Variants in WDR33 observed in about 807,000 individuals in gnomAD.
WDR33 encodes the protein pre-mRNA 3' end processing protein WDR33.
In WDR33, 47 loss-of-function variants were observed where a neutral mutation model predicts 164.9. The observed-to-expected ratio is 0.29, with a 90% CI of 0.23 to 0.36. WDR33 has a LOEUF of 0.36. Among genes scored for constraint, WDR33 ranks in the 10% least tolerant of loss-of-function variants. The probability of loss-of-function intolerance (pLI) is 1.00; values close to 1 mark genes in which losing one functional copy is unlikely to be tolerated. For missense variants in WDR33, 1,137 were observed against 1,754.1 expected (o/e 0.65, Z 6.28); for synonymous variants, 505 against 589.0 (o/e 0.86, Z 2.06).
chr2:127,763,260 A>C lies in WDR33; in HGVS notation c.627-101T>G. On this transcript the variant is annotated intron_variant, in intron 6 of 21. Transcript: ENST00000322313. The surrounding 1 kb of genome is among the most constrained non-coding windows in gnomAD (Gnocchi z 4.5). ...AATAAAAACACTGTGCTGCATTATA[A>C]ACAGGAGAGGGAAGAATCCAGTGAA... 3.8e-6 allele frequency: 6 copies of C among 1,570,196 alleles called. No homozygotes were observed. The highest frequency in any genetic ancestry group is 5.2e-6 in the Non-Finnish European group (6 of 1,156,746).
At chr2:127,807,415 C>T (rs1689479391) in intron 1 of WDR33, among the ~76,000 whole-genome samples, 1 of 152,154 alleles carries the variant, frequency 6.6e-6, no homozygotes, top group Non-Finnish European at 1.5e-5. Flanking sequence ...AGAGCAGGTG[C>T]CTATAACAAC....
At chr2:127,744,963 G>A (rs765623158) in intron 7 of WDR33, among the ~76,000 whole-genome samples, 10 of 151,940 alleles carry the variant, frequency 6.6e-5, no homozygotes, top group South Asian at 2.1e-4. Flanking sequence ...TTTGGTCTTC[G>A]GCTTGATTGG....
rs746560696 is a variant in WDR33 at position 127,738,085 on chromosome 2, T to TA, written c.725-11309dup. On this transcript the variant is annotated intron_variant, in intron 7 of 21. Transcript: ENST00000322313. The surrounding 1 kb of genome is among the most constrained non-coding windows in gnomAD (Gnocchi z 4.4). The stretch of plus-strand genomic sequence containing the variant: ...AAAACAAGAAGGGTGCATGAACTCT[T>TA]AAATACTGTGCAGGCAGGTATCTAT... 1.1e-4 allele frequency: 171 copies of TA among 1,603,596 alleles called. No homozygotes were observed. Among genetic ancestry groups the TA allele is most frequent in the Non-Finnish European group, 1.4e-4 (164 of 1,175,098 alleles).
At position 127,719,218 on chromosome 2, in the gene WDR33, C is replaced by A; in HGVS notation, c.2760+47G>T. ...AATACTCAGCAGTATTACTTCTGTG[C>A]AGAGTGTATTTTCCCAATGTGCCCG... is the stretch of plus-strand genomic sequence containing the variant. On this transcript the variant is annotated intron_variant, in intron 16 of 21. Coordinates refer to ENST00000322313, the MANE Select transcript of WDR33 (RefSeq NM_018383.5). This position sits in a 1 kb window ranked among gnomAD's most constrained non-coding sequence, Gnocchi z 6.5. 1.4e-6 allele frequency: 2 copies of A among 1,386,934 alleles called. No individual in the cohort carries two copies. Among genetic ancestry groups the A allele is most frequent in the South Asian group, 2.1e-5 (1 of 47,038 alleles). 85.9% of individuals were successfully genotyped at this position (1,386,934 alleles called of 1,614,324 possible).
At position 127,702,311 on chromosome 2, in the gene WDR33, A is replaced by C; in HGVS notation, c.*4012T>G. The stretch of plus-strand genomic sequence containing the variant: ...CCTGCCCTAACAGCCTGCGAGTCTA[A>C]TCCGGGAGCGGCTGCTGCCAGCGGA... On this transcript the variant is annotated 3_prime_UTR_variant, in exon 22 of 22. Transcript: ENST00000322313. 3.2e-6 allele frequency: 3 copies of C among 942,462 alleles called. No homozygotes were observed. The highest frequency in any genetic ancestry group is 4.1e-6 in the Non-Finnish European group (3 of 735,972). 58.4% of individuals were successfully genotyped at this position (942,462 alleles called of 1,614,324 possible).
chr2:127,738,415 G>T lies in WDR33; in HGVS notation c.725-11638C>A, dbSNP rs553518323. ...CTAAGAATTCCACATAATTTACACA[G>T]TTACTCCACCTGAAAAGAGGTGAGG... On this transcript the variant is annotated intron_variant, in intron 7 of 21. Coordinates refer to ENST00000322313, the MANE Select transcript of WDR33 (RefSeq NM_018383.5). The surrounding 1 kb of genome is among the most constrained non-coding windows in gnomAD (Gnocchi z 4.4). Among the ~76,000 whole-genome samples, 18 of 152,060 alleles carry T rather than the reference G, an allele frequency of 1.2e-4. No individual in the cohort carries two copies. Among genetic ancestry groups the T allele is most frequent in the Non-Finnish European group, 1.5e-4 (10 of 68,006 alleles).
At chr2:127,788,404 C>T (rs1433277677) in intron 1 of WDR33, among the ~76,000 whole-genome samples, 48 of 120,064 alleles carry the variant, frequency 4.0e-4, no homozygotes, top group African/African-American at 1.6e-3. Context: ...CCGGACGGGG[C>T]GGCTGGCCGG....
rs910706885 is a variant in WDR33 at position 127,716,054 on chromosome 2, T to G, written c.2869+1101A>C. On this transcript the variant is annotated intron_variant, in intron 17 of 21. Transcript: ENST00000322313. This position sits in a 1 kb window ranked among gnomAD's most constrained non-coding sequence, Gnocchi z 4.5. Reference sequence around the variant, plus strand: ...CTCTCAGTTTGCTGATGGCGATAACTCAGGGGGTAAAAGACTCTCCTTTTG... The same window carrying G: ...CTCTCAGTTTGCTGATGGCGATAACGCAGGGGGTAAAAGACTCTCCTTTTG... Among the ~76,000 whole-genome samples, 1 of 152,242 alleles carries G rather than the reference T, an allele frequency of 6.6e-6. No individual in the cohort carries two copies.
In WDR33 at chr2:127,701,787, G is replaced by C. The variant is rs1194118006; in HGVS notation, c.*4536C>G. ...GGCGGGCGGCGGGTGCCTGCTGCTG[G>C]CTGCACTGTGTTTCGGCCTAGCCGC... On this transcript the variant is annotated 3_prime_UTR_variant, in exon 22 of 22. Coordinates refer to ENST00000322313, the MANE Select transcript of WDR33 (RefSeq NM_018383.5). The C allele has an allele frequency of 5.5e-6, 8 of 1,448,878 alleles. No individual in the cohort carries two copies. The African/African-American group carries it at 7.4e-5, about 13-fold the overall frequency. 89.8% of individuals were successfully genotyped at this position (1,448,878 alleles called of 1,614,324 possible). A position where few individuals can be genotyped will look rare whatever the true frequency, so the allele number is the denominator to read the frequency against.
chr2:127,775,187 A>T (rs970095530), intron 1 of WDR33, among the ~76,000 whole-genome samples: 3 of 148,780 alleles, frequency 2.0e-5, no homozygotes, highest in African/African-American at 4.9e-5. Context: ...TTAATCTATT[A>T]AAAAAAAAAA....
In WDR33 at chr2:127,722,585, A is replaced by G; in HGVS notation, c.1518+6T>C. On this transcript the variant is annotated splice_donor_region_variant and intron_variant, in intron 14 of 21. Transcript: ENST00000322313. This position sits in a 1 kb window ranked among gnomAD's most constrained non-coding sequence, Gnocchi z 5.1. ...GCGTGGATGAGGTGGAGTCACTTTT[A>G]CTTACCTGCTGGAACTGAGCAGGAA... 6.2e-7 allele frequency: 1 copy of G among 1,611,848 alleles called. No individual in the cohort carries two copies. Among genetic ancestry groups the G allele is most frequent in the Non-Finnish European group, 8.5e-7 (1 of 1,179,342 alleles).
Position 127,764,052 on chromosome 2 carries a change from G to A in WDR33, c.626+776C>T, listed in dbSNP as rs1687754460. ...CACACATGGGTGGCACAACCTTAAA[G>A]AATGCTGCTTAGCTTTATTCTGAGG... On this transcript the variant is annotated intron_variant, in intron 6 of 21. Coordinates refer to ENST00000322313, the MANE Select transcript of WDR33 (RefSeq NM_018383.5). The surrounding 1 kb of genome is among the most constrained non-coding windows in gnomAD (Gnocchi z 6.2). 1 of 986,700 alleles carries A rather than the reference G, an allele frequency of 1.0e-6. No homozygotes were observed. Among genetic ancestry groups the A allele is most frequent in the Admixed American group, 6.1e-5 (1 of 16,376 alleles). The allele number at this position is 986,700 out of a possible 1,614,324, so 61.1% of individuals were successfully genotyped here.
At position 127,763,515 on chromosome 2, in the gene WDR33, CAG is replaced by C; in HGVS notation, c.627-358_627-357del. On this transcript the variant is annotated intron_variant, in intron 6 of 21. Transcript: ENST00000322313. The surrounding 1 kb of genome is among the most constrained non-coding windows in gnomAD (Gnocchi z 4.5). ...GGATTCTATTTTTGCAGTATTCCTG[CAG>C]TCTTTTAAATCACACACGAATACTG... The C allele has an allele frequency of 9.5e-7, 1 of 1,055,258 alleles. No homozygotes were observed. The highest frequency in any genetic ancestry group is 1.1e-6 in the Non-Finnish European group (1 of 872,364). The allele number at this position is 1,055,258 out of a possible 1,614,324, so 65.4% of individuals were successfully genotyped here.
chr2:127,714,601 C>T lies in WDR33; in HGVS notation c.2870-580G>A, dbSNP rs946405216. Among the ~76,000 whole-genome samples, 2 of 152,212 alleles carry T rather than the reference C, an allele frequency of 1.3e-5. No homozygotes were observed. Among genetic ancestry groups the T allele is most frequent in the Non-Finnish European group, 2.9e-5 (2 of 68,034 alleles). ...AAACAGCCCTGCTGGGCTTCAGTGT[C>T]GGGGTTTTCTGCACCTCTCTATGGA... On this transcript the variant is annotated intron_variant, in intron 17 of 21. Transcript: ENST00000322313. This position sits in a 1 kb window ranked among gnomAD's most constrained non-coding sequence, Gnocchi z 4.3.
Position 127,714,097 on chromosome 2 carries a change from A to G in WDR33, c.2870-76T>C, listed in dbSNP as rs1686244393. 7.3e-7 allele frequency: 1 copy of G among 1,373,358 alleles called. No homozygotes were observed. The highest frequency in any genetic ancestry group is 3.0e-5 in the Admixed American group (1 of 33,286). The allele number at this position is 1,373,358 out of a possible 1,614,324, so 85.1% of individuals were successfully genotyped here. On this transcript the variant is annotated intron_variant, in intron 17 of 21. Coordinates refer to ENST00000322313, the MANE Select transcript of WDR33 (RefSeq NM_018383.5). This position sits in a 1 kb window ranked among gnomAD's most constrained non-coding sequence, Gnocchi z 4.3. The stretch of plus-strand genomic sequence containing the variant: ...CATAGGTCTGATCTGTAGCATCTCT[A>G]CATTTCAGAATACATTCTTTATTGA...
rs564389635 is a variant in WDR33 at position 127,789,992 on chromosome 2, C to T, written c.-23-18988G>A. The stretch of plus-strand genomic sequence containing the variant: ...CTCGGACTACAGGTGCATGCCACCA[C>T]GCCTGGCTAATTTTTTTTATTTTTA... On this transcript the variant is annotated intron_variant, in intron 1 of 21. Transcript: ENST00000322313. Among the ~76,000 whole-genome samples the T allele has an allele frequency of 7.2e-5, 11 of 152,186 alleles. 1 individual carries two copies. Among genetic ancestry groups the T allele is most frequent in the Admixed American group, 5.2e-4 (8 of 15,274 alleles).
chr2:127,758,670 A>T (rs1291345943), intron 7 of WDR33, among the ~76,000 whole-genome samples: 1 of 152,186 alleles, frequency 6.6e-6, no homozygotes, highest in Non-Finnish European at 1.5e-5. Context: ...TTAAAAATAA[A>T]ATATGATGTC....
Position 127,719,210 on chromosome 2 carries a change from C to T in WDR33, c.2760+55G>A, listed in dbSNP as rs1449022585. 5.1e-6 allele frequency: 7 copies of T among 1,372,898 alleles called. No individual in the cohort carries two copies. The highest frequency in any genetic ancestry group is 4.7e-6 in the Non-Finnish European group (5 of 1,064,496). The allele number at this position is 1,372,898 out of a possible 1,614,324, so 85.0% of individuals were successfully genotyped here. ...TTTTCCACAATACTCAGCAGTATTA[C>T]TTCTGTGCAGAGTGTATTTTCCCAA... On this transcript the variant is annotated intron_variant, in intron 16 of 21. Transcript: ENST00000322313. The surrounding 1 kb of genome is among the most constrained non-coding windows in gnomAD (Gnocchi z 6.5).
Position 127,724,585 on chromosome 2 carries a change from G to C in WDR33, c.1086-142C>G. On this transcript the variant is annotated intron_variant, in intron 10 of 21. Coordinates refer to ENST00000322313, the MANE Select transcript of WDR33 (RefSeq NM_018383.5). The surrounding 1 kb of genome is among the most constrained non-coding windows in gnomAD (Gnocchi z 4.8). The stretch of plus-strand genomic sequence containing the variant: ...GACTCTGGTGAATTCCACATGTCTC[G>C]GGGTATTGGCTTGTCATTGCCAAAG... The C allele has an allele frequency of 1.3e-6, 1 of 742,054 alleles. No individual in the cohort carries two copies. The highest frequency in any genetic ancestry group is 2.2e-6 in the Non-Finnish European group (1 of 445,548). 46.0% of individuals were successfully genotyped at this position (742,054 alleles called of 1,614,324 possible).
Sources: allele counts gnomAD v4.1 joint callset (sites outside exome capture counted in the v4.1 genomes callset), GRCh38; gene constraint gnomAD v4.1.1; non-coding constraint Gnocchi (gnomAD v3.1); transcripts MANE v1.5; gene names NCBI Gene and HGNC (gene_info 2026-07-23, HGNC 2026-07-21).